Variants in FSHR observed in about 807,000 individuals in gnomAD.
The protein encoded by FSHR is follicle stimulating hormone receptor, also known as follicle-stimulating hormone receptor.
A neutral mutation model predicts 52.1 loss-of-function variants in FSHR; 46 were observed. That is an observed-to-expected ratio of 0.88 (90% CI 0.70 to 1.13). The LOEUF (loss-of-function observed/expected upper bound fraction) is 1.13, where lower values mean the gene tolerates loss of function less well. FSHR is among the 50% of genes most tolerant of loss of function. FSHR has a pLI of 0.00. For missense variants in FSHR, 964 were observed against 834.6 expected, an observed-to-expected ratio of 1.16 and a Z score of -1.91; for synonymous variants, 399 against 309.6, an observed-to-expected ratio of 1.29 and a Z score of -3.03.
chr2:49,100,716 C>T (rs1478895814), intron 1 of FSHR, among the ~76,000 whole-genome samples: 2 of 152,190 alleles, frequency 1.3e-5, no homozygotes, highest in African/African-American at 2.4e-5. Flanking sequence ...ACAGCCGGGC[C>T]TTTTGTTATG....
chr2:49,020,040 T>G lies in FSHR; in HGVS notation c.299+46A>C, dbSNP rs1170206416. On this transcript the variant is annotated intron_variant, in intron 3 of 9. Transcript: ENST00000406846. ...AGGAATGTAGAAGAACTTTAAGGGT[T>G]TTTTCAAGAATGGCCATGAGCAAAT... is the stretch of plus-strand genomic sequence containing the variant. 8 of 1,535,828 alleles carry G rather than the reference T, an allele frequency of 5.2e-6. No homozygotes were observed. The East Asian group carries it at 9.0e-5, about 17-fold the overall frequency.
chr2:49,048,769 A>G (rs1241105541), intron 2 of FSHR, among the ~76,000 whole-genome samples: 2 of 152,136 alleles, frequency 1.3e-5, no homozygotes, highest in East Asian at 3.9e-4. Flanking sequence ...TTATATATAA[A>G]AACACATCTT....
chr2:49,085,316 A>C (rs201947401), intron 1 of FSHR, among the ~76,000 whole-genome samples: 8,123 of 100,940 alleles, frequency 0.08, no homozygotes, highest in Non-Finnish European at 0.093. Context: ...AAAAACTCTC[A>C]ATAAATTAGG....
chr2:49,020,343 G>A (rs1025220972), intron 2 of FSHR, among the ~76,000 whole-genome samples, 183 bp from the exon 3 acceptor site: 4 of 152,108 alleles, frequency 2.6e-5, no homozygotes, highest in Non-Finnish European at 4.4e-5. Context: ...AACACTTACC[G>A]AACAAGAGGA....
chr2:49,118,353 C>T (rs1358511595), intron 1 of FSHR, among the ~76,000 whole-genome samples: 2 of 151,990 alleles, frequency 1.3e-5, no homozygotes, highest in South Asian at 2.1e-4. Context: ...GCTTTCTCCC[C>T]CTCCTCAACT....
chr2:49,008,490 T>C (rs1275275326), intron 4 of FSHR, among the ~76,000 whole-genome samples: 1 of 152,110 alleles, frequency 6.6e-6, no homozygotes. Flanking sequence ...TAAACATACG[T>C]GTGCATGTGT....
chr2:49,131,991 C>T (rs971678242), intron 1 of FSHR, among the ~76,000 whole-genome samples: 5 of 152,164 alleles, frequency 3.3e-5, no homozygotes, highest in South Asian at 2.1e-4. Flanking sequence ...TATGTTATCA[C>T]GTGACAACTT....
At chr2:49,102,961 C>G (rs1671088351) in intron 1 of FSHR, among the ~76,000 whole-genome samples, 1 of 151,876 alleles carries the variant, frequency 6.6e-6, no homozygotes, top group Non-Finnish European at 1.5e-5. Flanking sequence ...TTTTTTTCTC[C>G]CATTATTGCT....
chr2:49,012,066 G>A (rs534974686), intron 4 of FSHR, among the ~76,000 whole-genome samples: 1 of 152,198 alleles, frequency 6.6e-6, no homozygotes, highest in African/African-American at 2.4e-5. Context: ...AGGTCTAACA[G>A]GCCCACATCT....
chr2:49,135,061 T>C (rs1037425543), intron 1 of FSHR, among the ~76,000 whole-genome samples: 4 of 152,082 alleles, frequency 2.6e-5, no homozygotes, highest in Non-Finnish European at 4.4e-5. Context: ...ACTATCAATC[T>C]AGACAGAATA....
chr2:49,088,207 G>A (rs1213439840), intron 1 of FSHR, among the ~76,000 whole-genome samples: 2 of 152,176 alleles, frequency 1.3e-5, no homozygotes, highest in Non-Finnish European at 2.9e-5. Flanking sequence ...AGGGATAAGA[G>A]AATGGGACCC....
chr2:49,014,779 G>A, intron 4 of FSHR: 1 of 318,400 alleles, frequency 3.1e-6, no homozygotes, highest in Middle Eastern at 4.1e-4. Context: ...TTCTTCTTGG[G>A]TTTGTCCTTG....
intron 2 of FSHR, among the ~76,000 whole-genome samples, chr2:49,057,001 G>A (rs1669088923): frequency 6.6e-6 from 1 of 151,936 alleles, no homozygotes; most frequent in Non-Finnish European, 1.5e-5. Context: ...TATGGGATGA[G>A]CAAAAGCAGA....
chr2:49,019,997 G>T, intron 3 of FSHR, 89 bp downstream of exon 3: 1 of 1,079,568 alleles, frequency 9.3e-7, no homozygotes, highest in Non-Finnish European at 1.4e-6. Context: ...TGAGGCCATG[G>T]CAGAATCAGG....
intron 1 of FSHR, among the ~76,000 whole-genome samples, chr2:49,080,280 A>G (rs543828665): frequency 6.6e-6 from 1 of 152,318 alleles, no homozygotes; most frequent in Non-Finnish European, 1.5e-5. Flanking sequence ...ACTGCTTTCA[A>G]GAGTCATTTG....
intron 2 of FSHR, among the ~76,000 whole-genome samples, chr2:49,065,520 A>G (rs1457826013): frequency 6.6e-6 from 1 of 152,126 alleles, no homozygotes; most frequent in Non-Finnish European, 1.5e-5. Flanking sequence ...AGATGGTGAC[A>G]TGATTCACTG....
chr2:49,046,014 C>T (rs1668641432), intron 2 of FSHR, among the ~76,000 whole-genome samples: 1 of 152,130 alleles, frequency 6.6e-6, no homozygotes, highest in Admixed American at 6.6e-5. Context: ...GATGTGGTGT[C>T]AGAGAAAACT....
At chr2:48,976,598 A>C (rs2104035395) in intron 8 of FSHR, among the ~76,000 whole-genome samples, 1 of 152,198 alleles carries the variant, frequency 6.6e-6, no homozygotes, top group South Asian at 2.1e-4. Flanking sequence ...TTTGGCTGTG[A>C]ATCTGTCTGG....
At chr2:49,056,144 T>A (rs1190556530) in intron 2 of FSHR, among the ~76,000 whole-genome samples, 1 of 152,032 alleles carries the variant, frequency 6.6e-6, no homozygotes, top group African/African-American at 2.4e-5. Context: ...CTATTAATAA[T>A]AATCTTGAAT....
Sources: gnomAD v4.1 joint callset for allele counts (sites outside exome capture counted in the v4.1 genomes callset) on GRCh38, gnomAD v4.1.1 for gene constraint, MANE v1.5 for transcripts, NCBI Gene and HGNC (gene_info 2026-07-23, HGNC 2026-07-21) for gene names.